The following GALNTL6 variants were observed in gnomAD, a reference collection of about 807,000 sequenced individuals.
GALNTL6 encodes the protein polypeptide N-acetylgalactosaminyltransferase-like 6.
Under a neutral mutation model 73.7 loss-of-function variants are expected in GALNTL6, and 46 were observed. The ratio of observed to expected loss-of-function variants is 0.62; its 90% CI spans 0.49 to 0.80. The LOEUF is 0.80. Ranked by LOEUF, GALNTL6 falls within the 30% of genes least tolerant of loss-of-function variation. The pLI is 0.00. For missense variants in GALNTL6, 604 were observed against 755.0 expected, an observed-to-expected ratio of 0.80 and a Z score of 2.34; for synonymous variants, 259 against 263.7, an observed-to-expected ratio of 0.98 and a Z score of 0.17.
chr4:172,616,345 A>G (rs1347824293), intron 5 of GALNTL6, among the ~76,000 whole-genome samples: 1 of 152,040 alleles, frequency 6.6e-6, no homozygotes, highest in Non-Finnish European at 1.5e-5. Flanking sequence ...ATTTGGTCCT[A>G]ACTGACTTCT....
intron 2 of GALNTL6, among the ~76,000 whole-genome samples, chr4:171,999,071 C>T (rs563454652): frequency 1.3e-5 from 2 of 152,264 alleles, no homozygotes; most frequent in African/African-American, 4.8e-5. Context: ...TTTGGTATTT[C>T]ATTTGTTTGA....
chr4:172,158,874 C>T (rs891584328), intron 2 of GALNTL6, among the ~76,000 whole-genome samples: 7 of 151,904 alleles, frequency 4.6e-5, no homozygotes, highest in African/African-American at 1.7e-4. Context: ...ATTAAAAATT[C>T]TACAAATAAG....
chr4:172,189,173 C>A (rs1236161020), intron 2 of GALNTL6, among the ~76,000 whole-genome samples: 1 of 152,048 alleles, frequency 6.6e-6, no homozygotes, highest in Non-Finnish European at 1.5e-5. Context: ...TAAAATCTAA[C>A]CTTTTATGAA....
At chr4:172,609,625 C>CTCTCTCTG (rs753051714) in intron 5 of GALNTL6, among the ~76,000 whole-genome samples, 206 of 92,772 alleles carry the variant, frequency 2.2e-3, no homozygotes, top group Middle Eastern at 8.3e-3. Context: ...CTCTCTCTCT[C>CTCTCTCTG]TGTGTGTGTG....
At chr4:172,709,279 T>C (rs1383592138) in intron 5 of GALNTL6, among the ~76,000 whole-genome samples, 1 of 152,110 alleles carries the variant, frequency 6.6e-6, no homozygotes, top group Non-Finnish European at 1.5e-5. Context: ...GCAGTGCTCA[T>C]GGACACAATC....
chr4:172,501,444 TAGTAA>T (rs978035100), intron 5 of GALNTL6, among the ~76,000 whole-genome samples: 4 of 152,116 alleles, frequency 2.6e-5, no homozygotes, highest in African/African-American at 9.7e-5. Context: ...TCTTAAAGCT[TAGTAA>T]AGTAAATAAA....
At chr4:172,051,357 G>A (rs1730857011) in intron 2 of GALNTL6, among the ~76,000 whole-genome samples, 1 of 152,146 alleles carries the variant, frequency 6.6e-6, no homozygotes, top group South Asian at 2.1e-4. Context: ...CCAGCTCAGT[G>A]CCCTCTTGAT....
chr4:171,915,522 T>C (rs1189200746), intron 2 of GALNTL6, among the ~76,000 whole-genome samples: 10 of 152,130 alleles, frequency 6.6e-5, no homozygotes, highest in African/African-American at 2.4e-4. Flanking sequence ...AATTTGTAAA[T>C]AATCATCACA....
chr4:171,898,257 A>T (rs1035181395), intron 2 of GALNTL6, among the ~76,000 whole-genome samples: 2 of 152,104 alleles, frequency 1.3e-5, no homozygotes, highest in Non-Finnish European at 2.9e-5. Flanking sequence ...ATTCTCATAC[A>T]TTTCTGATAG....
chr4:172,366,524 G>A (rs1166593801), intron 5 of GALNTL6, among the ~76,000 whole-genome samples: 1 of 151,972 alleles, frequency 6.6e-6, no homozygotes, highest in Non-Finnish European at 1.5e-5. Flanking sequence ...TAGATGAATT[G>A]AGGAGACTTA....
chr4:171,864,790 A>C (rs1201235461), intron 2 of GALNTL6, among the ~76,000 whole-genome samples: 5 of 152,208 alleles, frequency 3.3e-5, no homozygotes, highest in South Asian at 2.1e-4. Context: ...CTTAATGAGA[A>C]AGACCAATCT....
chr4:172,371,802 T>C (rs1369595398), intron 5 of GALNTL6, among the ~76,000 whole-genome samples: 2 of 152,176 alleles, frequency 1.3e-5, no homozygotes, highest in Non-Finnish European at 2.9e-5. Context: ...GCTGCTGTTC[T>C]CCCCTCTCCT....
intron 8 of GALNTL6, among the ~76,000 whole-genome samples, chr4:172,902,673 C>T (rs1746688434): frequency 6.6e-6 from 1 of 152,206 alleles, no homozygotes; most frequent in African/African-American, 2.4e-5. Context: ...CCTACAGCCT[C>T]TTGCAAAACC....
intron 5 of GALNTL6, among the ~76,000 whole-genome samples, chr4:172,658,869 C>G (rs837203): frequency 1 from 151,655 of 152,328 alleles, 75,494 homozygotes; most frequent in Non-Finnish European, 1. Flanking sequence ...AAAGTAGACA[C>G]GTTGGTGACA....
intron 5 of GALNTL6, among the ~76,000 whole-genome samples, chr4:172,373,294 A>T (rs191484005): frequency 1.4e-3 from 219 of 152,318 alleles, no homozygotes; most frequent in African/African-American, 5.0e-3. Context: ...GAGGTCCAGA[A>T]CAGTGAATCA....
At chr4:171,843,990 C>T (rs1198472630) in intron 2 of GALNTL6, among the ~76,000 whole-genome samples, 3 of 152,094 alleles carry the variant, frequency 2.0e-5, no homozygotes, top group Non-Finnish European at 4.4e-5. Context: ...TTACTAACTT[C>T]AAAATATCTG....
At chr4:171,824,476 G>C (rs1364403355) in intron 2 of GALNTL6, among the ~76,000 whole-genome samples, 3 of 152,090 alleles carry the variant, frequency 2.0e-5, no homozygotes, top group East Asian at 1.9e-4. Context: ...ATGGTGTAAG[G>C]CTTTAATAAG....
At chr4:171,998,472 C>T (rs1052056579) in intron 2 of GALNTL6, among the ~76,000 whole-genome samples, 2 of 152,068 alleles carry the variant, frequency 1.3e-5, no homozygotes, top group African/African-American at 4.8e-5. Flanking sequence ...TTATGGCCCA[C>T]TCTAAAAGTC....
At chr4:171,919,276 G>C (rs978894805) in intron 2 of GALNTL6, among the ~76,000 whole-genome samples, 1 of 151,668 alleles carries the variant, frequency 6.6e-6, no homozygotes, top group African/African-American at 2.4e-5. Flanking sequence ...GCAGCTCCTG[G>C]TTTAGAGACA....
Sources: allele counts gnomAD v4.1 joint callset (sites outside exome capture counted in the v4.1 genomes callset), GRCh38; gene constraint gnomAD v4.1.1; transcripts MANE v1.5; gene names NCBI Gene and HGNC (gene_info 2026-07-23, HGNC 2026-07-21).